The following CEP126 variants were observed in gnomAD, a reference collection of about 807,000 sequenced individuals.
CEP126 encodes the protein centrosomal protein of 126 kDa.
Under a neutral mutation model 107.8 loss-of-function variants are expected in CEP126, and 74 were observed. The observed-to-expected ratio is 0.69, with a 90% confidence interval of 0.57 to 0.83. The LOEUF (loss-of-function observed/expected upper bound fraction) is 0.83. Ranked by LOEUF, CEP126 falls within the 40% of genes least tolerant of loss-of-function variation. The pLI, the probability that CEP126 is intolerant of heterozygous loss-of-function variation, is 0.00. For synonymous variants in CEP126, 449 were observed against 446.0 expected (o/e 1.01, Z -0.08); for missense variants, 1,237 against 1,281.9 (o/e 0.96, Z 0.53).
intron 6 of CEP126, among the ~76,000 whole-genome samples, chr11:101,974,059 T>C (rs1282938663): frequency 6.6e-6 from 1 of 152,184 alleles, no homozygotes; most frequent in Non-Finnish European, 1.5e-5. Context: ...TTATGGTTGC[T>C]GGTATGTATT....
intron 6 of CEP126, among the ~76,000 whole-genome samples, chr11:101,972,592 G>A (rs1458557323): frequency 1.3e-5 from 2 of 152,064 alleles, no homozygotes; most frequent in Non-Finnish European, 2.9e-5. Context: ...CACAAGGTCA[G>A]GAGTTCGAGA....
rs112154425 is a variant in CEP126, at chr11:101,989,128, C to T, written c.3244+2087C>T. Among the ~76,000 whole-genome samples the T allele has an allele frequency of 5.7e-3, 873 of 152,136 alleles. 8 individuals are homozygous for T. The highest frequency in any genetic ancestry group is 0.02 in the African/African-American group (842 of 41,502). On this transcript the variant is annotated intron_variant, in intron 9 of 10. Transcript: ENST00000263468. The stretch of plus-strand genomic sequence containing the variant: ...GAGTCACACAGACCATATCCTCTAA[C>T]CACAATGCAATTTACCTGAAATCTA...
intron 10 of CEP126, among the ~76,000 whole-genome samples, chr11:101,993,323 T>C (rs758392737): frequency 5.9e-5 from 9 of 152,228 alleles, no homozygotes; most frequent in Non-Finnish European, 1.2e-4. Flanking sequence ...TGGCTTCCTG[T>C]TCCTGTATTA....
At chr11:101,920,458 A>G (rs1236248234) in intron 1 of CEP126, among the ~76,000 whole-genome samples, 3 of 152,122 alleles carry the variant, frequency 2.0e-5, no homozygotes, top group Non-Finnish European at 4.4e-5. Context: ...TTGGACCTCC[A>G]TCTTAGCGTA....
At chr11:101,938,169 A>AAAAAAAAAAAAAAAAAAAAAAAAAC (rs1565353082) in intron 2 of CEP126, among the ~76,000 whole-genome samples, 3 of 143,854 alleles carry the variant, frequency 2.1e-5, no homozygotes, top group African/African-American at 7.7e-5. Context: ...CAAAAAAAAA[A>AAAAAAAAAAAAAAAAAAAAAAAAAC]AAAAAAATAC....
intron 2 of CEP126, among the ~76,000 whole-genome samples, chr11:101,940,601 G>A (rs1352362112): frequency 6.6e-6 from 1 of 152,168 alleles, no homozygotes; most frequent in Non-Finnish European, 1.5e-5. Context: ...TTGTGCTGTG[G>A]TTGGTGTTAT....
At chr11:101,987,533 A>G (rs1433263835) in intron 9 of CEP126, among the ~76,000 whole-genome samples, 1 of 152,128 alleles carries the variant, frequency 6.6e-6, no homozygotes, top group Non-Finnish European at 1.5e-5. Context: ...CTCATAGGAA[A>G]AAGGGAACAG....
intron 1 of CEP126, among the ~76,000 whole-genome samples, chr11:101,917,029 TGTGTGTGTG>T (rs1358802339): frequency 1.7e-4 from 1 of 5,794 alleles, no homozygotes; most frequent in African/African-American, 3.1e-4. Context: ...AATCCAACAA[TGTGTGTGTG>T]TGTGTGTGTG....
chr11:101,962,889 A>G lies in CEP126; in HGVS notation c.1854A>G (p.Glu618=). The G allele has an allele frequency of 6.2e-7, 1 of 1,609,914 alleles. No homozygotes were observed. The highest frequency in any genetic ancestry group is 8.5e-7 in the Non-Finnish European group (1 of 1,179,112). The change falls in exon 6 of 11, where the codon GAA becomes GAG. Residue 618 remains glutamate, a synonymous_variant. Coordinates refer to ENST00000263468, the MANE Select transcript of CEP126 (RefSeq NM_020802.4). ...AIRDSIELTK[E]KGAEIPKTIK... is the part of the protein sequence containing the mutation. ...GAGATAGTATTGAATTAACAAAGGAAAAAGGTGCAGAAATTCCAAAGACCA... is the reference window on the plus strand; with the variant it reads ...GAGATAGTATTGAATTAACAAAGGAGAAAGGTGCAGAAATTCCAAAGACCA...
intron 4 of CEP126, among the ~76,000 whole-genome samples, chr11:101,954,942 T>A (rs1940864506): frequency 6.6e-6 from 1 of 152,154 alleles, no homozygotes; most frequent in South Asian, 2.1e-4. Context: ...TTCAGTGGAA[T>A]GTAAACCTAA....
chr11:101,929,992 T>G (rs1435389613), intron 2 of CEP126, among the ~76,000 whole-genome samples: 16 of 150,570 alleles, frequency 1.1e-4, no homozygotes, highest in Admixed American at 2.6e-4. Context: ...TTTTTTTTTT[T>G]GTCTAAGCTT....
intron 5 of CEP126, among the ~76,000 whole-genome samples, chr11:101,960,325 C>A (rs1940954793): frequency 6.6e-6 from 1 of 152,142 alleles, no homozygotes; most frequent in Non-Finnish European, 1.5e-5. Context: ...AATTACAGAC[C>A]TATGCAAATG....
intron 2 of CEP126, among the ~76,000 whole-genome samples, chr11:101,936,155 A>G (rs1013356778): frequency 9.9e-5 from 15 of 152,238 alleles, no homozygotes; most frequent in African/African-American, 3.6e-4. Context: ...CTTGCAGTCC[A>G]TGAAATCCAT....
intron 2 of CEP126, among the ~76,000 whole-genome samples, chr11:101,937,109 G>A (rs1417525172): frequency 6.6e-6 from 1 of 152,096 alleles, no homozygotes; most frequent in Non-Finnish European, 1.5e-5. Context: ...ATAGCCTAAA[G>A]GTAATTTTAT....
rs1019269025 is a variant in CEP126, at chr11:101,963,948, C to G, written c.2845+68C>G. On this transcript the variant is annotated intron_variant, in intron 6 of 10. Transcript: ENST00000263468. ...TTTGTTAAAGTCATGTGAAATTGTTCCTATTTATGTATGGCCATACATACT... is the reference window on the plus strand; with the variant it reads ...TTTGTTAAAGTCATGTGAAATTGTTGCTATTTATGTATGGCCATACATACT... 4 of 1,054,448 alleles carry G rather than the reference C, an allele frequency of 3.8e-6. No homozygotes were observed. In the African/African-American group the frequency reaches 6.4e-5, roughly 17 times the overall value. The allele number at this position is 1,054,448 out of a possible 1,614,324, so 65.3% of individuals were successfully genotyped here. A position where few individuals can be genotyped will look rare whatever the true frequency, so the allele number is the denominator to read the frequency against.
rs1455184178 is a variant in CEP126 at position 101,915,233 on chromosome 11, TGCCATGAGGGAGGTTCTGGGGGCGA to T, written c.-49_-25del. 6.2e-7 allele frequency: 1 copy of T among 1,606,050 alleles called. No homozygotes were observed. Among genetic ancestry groups the T allele is most frequent in the African/African-American group, 1.3e-5 (1 of 74,768 alleles). On this transcript the variant is annotated 5_prime_UTR_variant, in exon 1 of 11. An upstream start codon of the reference 5' UTR is lost. Coordinates refer to ENST00000263468, the MANE Select transcript of CEP126 (RefSeq NM_020802.4). Reference sequence around the variant, plus strand: ...AGCAGGAGGAGGAGGAAGCCGGAGCTGCCATGAGGGAGGTTCTGGGGGCGAGCAGACAGGCGGCGCTGAAGTGAAG... The same window carrying T: ...AGCAGGAGGAGGAGGAAGCCGGAGCTGCAGACAGGCGGCGCTGAAGTGAAG...
At chr11:101,964,962 T>G (rs1941042224) in intron 6 of CEP126, among the ~76,000 whole-genome samples, 1 of 152,244 alleles carries the variant, frequency 6.6e-6, no homozygotes, top group South Asian at 2.1e-4. Context: ...TAAACTAATA[T>G]TAATTAGATA....
Position 101,963,109 on chromosome 11 carries a change from G to A in CEP126, c.2074G>A (p.Asp692Asn), listed in dbSNP as rs1941004109. Residue 692 changes from aspartate (D) to asparagine (N), a missense_variant, in exon 6 of 11, where the codon GAT (aspartate) becomes AAT (asparagine). Coordinates refer to ENST00000263468, the MANE Select transcript of CEP126 (RefSeq NM_020802.4). ...NSADTKKSRE[D>N]SISENVTTLG... ...TGCTGATACAAAGAAGTCCAGGGAG[G>A]ATTCTATCTCTGAAAATGTTACGAC... The A allele has an allele frequency of 6.2e-7, 1 of 1,614,060 alleles. No homozygotes were observed. The highest frequency in any genetic ancestry group is 1.6e-4 in the Middle Eastern group (1 of 6,062).
rs1940173574 is a variant in CEP126 at position 101,915,177 on chromosome 11, G to A, written c.-108G>A. The A allele has an allele frequency of 2.0e-6, 3 of 1,514,182 alleles. No homozygotes were observed. Among genetic ancestry groups the A allele is most frequent in the South Asian group, 2.5e-5 (2 of 79,548 alleles). 93.8% of individuals were successfully genotyped at this position (1,514,182 alleles called of 1,614,324 possible). A position where few individuals can be genotyped will look rare whatever the true frequency, so the allele number is the denominator to read the frequency against. ...CAACCCTTCCGCGCCCGTGACGCGG[G>A]GCCTGAGAGACGGAGTGTAGGGAGG... On this transcript the variant is annotated 5_prime_UTR_variant, in exon 1 of 11. Transcript: ENST00000263468.
Sources: gnomAD v4.1 joint callset for allele counts (sites outside exome capture counted in the v4.1 genomes callset) on GRCh38, gnomAD v4.1.1 for gene constraint, MANE v1.5 for transcripts, NCBI Gene and HGNC (gene_info 2026-07-23, HGNC 2026-07-21) for gene names.